The following RGS6 variants were observed in gnomAD, a reference collection of about 807,000 sequenced individuals.
The protein encoded by RGS6 is regulator of G protein signaling 6, also known as regulator of G-protein signaling 6.
RGS6 carries 30 observed loss-of-function variants against 78.5 expected under a neutral mutation model. That is an observed-to-expected ratio of 0.38 (90% CI 0.29 to 0.52). RGS6 has a LOEUF of 0.52. RGS6 is among the 20% of genes least tolerant of loss of function. The pLI, the probability that RGS6 is intolerant of heterozygous loss-of-function variation, is 0.85. For synonymous variants in RGS6, 206 were observed against 206.0 expected (o/e 1.00, Z 0.00); for missense variants, 495 against 609.7 (o/e 0.81, Z 1.98).
chr14:72,291,703 C>G (rs988829866), intron 2 of RGS6, among the ~76,000 whole-genome samples: 2 of 152,136 alleles, frequency 1.3e-5, no homozygotes, highest in African/African-American at 2.4e-5. Context: ...AAGGACAAGC[C>G]TGGCTAAAAT....
At chr14:72,109,127 A>G (rs7156524) in intron 2 of RGS6, among the ~76,000 whole-genome samples, 15,556 of 151,016 alleles carry the variant, frequency 0.1, 995 homozygotes, top group East Asian at 0.15. Context: ...TGTTACCTGA[A>G]TCTTCTCTTT....
chr14:72,613,678 A>C, the RGS6 span, among the ~76,000 whole-genome samples: 1 of 152,132 alleles, frequency 6.6e-6, no homozygotes. Context: ...ACTCACTTCC[A>C]AATCTTTCCC....
intron 2 of RGS6, among the ~76,000 whole-genome samples, chr14:71,981,431 T>TGG (rs1269702884): frequency 6.6e-6 from 1 of 152,150 alleles, no homozygotes; most frequent in African/African-American, 2.4e-5. Flanking sequence ...GATGTACAGA[T>TGG]GTTTTTGGTG....
intron 2 of RGS6, among the ~76,000 whole-genome samples, chr14:72,295,993 G>C (rs34536760): frequency 0.052 from 7,948 of 152,150 alleles, 616 homozygotes; most frequent in African/African-American, 0.18. Flanking sequence ...TCCATCATGC[G>C]GGAAAGTTCT....
rs924068096 is a variant in RGS6 at position 72,152,677 on chromosome 14, G to C, written c.84+187802G>C. On this transcript the variant is annotated intron_variant, in intron 2 of 17. Transcript: ENST00000553525. ...GGACATTCTTGTGACCTTCATCCCA[G>C]GCCTTTCAGAAAAGGGATGGGGCAT... 5.9e-5 allele frequency among the ~76,000 whole-genome samples: 9 copies of C among 152,118 alleles called. 1 individual carries two copies. The highest frequency in any genetic ancestry group is 1.2e-4 in the Non-Finnish European group (8 of 68,018).
chr14:72,441,145 A>G (rs756410285), intron 3 of RGS6, among the ~76,000 whole-genome samples: 3 of 152,118 alleles, frequency 2.0e-5, no homozygotes, highest in Non-Finnish European at 2.9e-5. Flanking sequence ...ATTGAGGGGT[A>G]GGGATTAGAG....
chr14:72,045,494 G>T (rs2092759019), intron 2 of RGS6, among the ~76,000 whole-genome samples: 1 of 152,106 alleles, frequency 6.6e-6, no homozygotes. Flanking sequence ...TTGTCTTTGG[G>T]ATTCCCTAAG....
intron 2 of RGS6, among the ~76,000 whole-genome samples, chr14:72,223,571 A>G (rs954483942): frequency 1.3e-5 from 2 of 152,230 alleles, no homozygotes; most frequent in Non-Finnish European, 2.9e-5. Flanking sequence ...GAAACTATTC[A>G]TGTAGATAAA....
At chr14:72,090,777 A>C (rs1055952814) in intron 2 of RGS6, among the ~76,000 whole-genome samples, 2 of 152,102 alleles carry the variant, frequency 1.3e-5, no homozygotes, top group African/African-American at 4.8e-5. Flanking sequence ...CCAGCCAGGG[A>C]GTGTTACTAG....
At chr14:72,516,162 C>T (rs774007762) in intron 14 of RGS6, among the ~76,000 whole-genome samples, 2 of 152,226 alleles carry the variant, frequency 1.3e-5, no homozygotes, top group South Asian at 2.1e-4. Flanking sequence ...CCAGGTTCCC[C>T]GCATCTTTCA....
intron 3 of RGS6, among the ~76,000 whole-genome samples, chr14:72,410,390 C>T (rs1597085600): frequency 6.6e-6 from 1 of 152,108 alleles, no homozygotes; most frequent in Non-Finnish European, 1.5e-5. Flanking sequence ...CTGTTCATAT[C>T]CTTTGCCCAC....
chr14:72,439,443 G>T (rs1322605234), intron 3 of RGS6, among the ~76,000 whole-genome samples: 1 of 152,248 alleles, frequency 6.6e-6, no homozygotes, highest in Non-Finnish European at 1.5e-5. Flanking sequence ...TGAGGCCTTT[G>T]TGAGCTCTAG....
At chr14:71,925,455 T>C in the RGS6 span, among the ~76,000 whole-genome samples, 1 of 152,204 alleles carries the variant, frequency 6.6e-6, no homozygotes, top group Non-Finnish European at 1.5e-5. Flanking sequence ...GCCTTTGGTA[T>C]AACATCCAAC....
At chr14:72,461,958 G>A (rs1183380269) in intron 6 of RGS6, among the ~76,000 whole-genome samples, 1 of 152,154 alleles carries the variant, frequency 6.6e-6, no homozygotes, top group East Asian at 1.9e-4. Flanking sequence ...ACGGAGTGGT[G>A]GTTGGTATCA....
intron 2 of RGS6, among the ~76,000 whole-genome samples, chr14:72,242,865 T>C (rs1435728629): frequency 1.4e-5 from 1 of 74,042 alleles, no homozygotes; most frequent in African/African-American, 4.8e-5. Context: ...TTTTTTTTTT[T>C]TGAGATGGAG....
chr14:71,897,558 T>C, the RGS6 span, among the ~76,000 whole-genome samples: 1 of 152,302 alleles, frequency 6.6e-6, no homozygotes. Flanking sequence ...TCTTGCTCTG[T>C]CACCCAGGCT....
At chr14:72,473,004 T>G in intron 9 of RGS6, 51 bp downstream of exon 9, 1 of 1,347,596 alleles carries the variant, frequency 7.4e-7, no homozygotes, top group African/African-American at 1.5e-5. Context: ...AATTGTTCAT[T>G]TTTATCTCTA....
At chr14:71,936,426 C>T (rs2089391157) in intron 1 of RGS6, among the ~76,000 whole-genome samples, 1 of 152,096 alleles carries the variant, frequency 6.6e-6, no homozygotes, top group Admixed American at 6.5e-5. Flanking sequence ...AATGTTTAAT[C>T]TCTTTTGGGC....
At chr14:71,876,473 CTTTTTTTTTTTTTTTTTTTT>C in the RGS6 span, among the ~76,000 whole-genome samples, 184 of 72,482 alleles carry the variant, frequency 2.5e-3, no homozygotes, top group East Asian at 5.4e-3. Flanking sequence ...GCAACCGCTG[CTTTTTTTTTTTTTTTTTTTT>C]TTTTTTTTTT....
Sources: gnomAD v4.1 joint callset for allele counts (sites outside exome capture counted in the v4.1 genomes callset) on GRCh38, gnomAD v4.1.1 for gene constraint, MANE v1.5 for transcripts, NCBI Gene and HGNC (gene_info 2026-07-23, HGNC 2026-07-21) for gene names.